Variants in LANCL3 observed in about 807,000 individuals in gnomAD.
The protein encoded by LANCL3 is lanC-like protein 3.
In LANCL3, 19 loss-of-function variants were observed where a neutral mutation model predicts 26.5. That is an observed-to-expected ratio of 0.72 (90% confidence interval 0.50 to 1.05). The LOEUF (loss-of-function observed/expected upper bound fraction) is 1.05. Among genes scored for constraint, LANCL3 ranks in the 50% least tolerant of loss-of-function variants. LANCL3 has a pLI of 0.00. For missense variants in LANCL3, 318 were observed against 362.7 expected, an observed-to-expected ratio of 0.88 and a Z score of 1.00; for synonymous variants, 160 against 166.6, an observed-to-expected ratio of 0.96 and a Z score of 0.30.
intron 1 of LANCL3, among the ~76,000 whole-genome samples, chrX:37,580,345 G>A (rs1415584577): frequency 8.9e-6 from 1 of 111,984 alleles, no homozygotes; most frequent in East Asian, 2.8e-4. Flanking sequence ...ACACACTGTT[G>A]TAAGTTTTTT....
intron 1 of LANCL3, among the ~76,000 whole-genome samples, chrX:37,619,526 CTG>C (rs1205180386): frequency 9.2e-6 from 1 of 109,079 alleles, no homozygotes; most frequent in Non-Finnish European, 1.9e-5. Flanking sequence ...AATTTAAAAA[CTG>C]TAAATTTTAG....
chrX:37,613,007 C>T (rs1924918415), intron 1 of LANCL3, among the ~76,000 whole-genome samples: 1 of 111,178 alleles, frequency 9.0e-6, no homozygotes, highest in Non-Finnish European at 1.9e-5. Flanking sequence ...AAAGGACATT[C>T]CCATCCTCAT....
chrX:37,592,221 A>G (rs1230823966), intron 1 of LANCL3, among the ~76,000 whole-genome samples: 3 of 112,244 alleles, frequency 2.7e-5, no homozygotes, highest in East Asian at 2.8e-4. Context: ...ATTCACAAAA[A>G]AAGAACCACA....
chrX:37,657,013 T>C (rs1169476366), intron 2 of LANCL3, among the ~76,000 whole-genome samples: 3 of 112,849 alleles, frequency 2.7e-5, no homozygotes, highest in Non-Finnish European at 5.6e-5. Context: ...GAGTGTGTAA[T>C]AATGAGCAAC....
At chrX:37,587,397 G>C (rs373705817) in intron 1 of LANCL3, among the ~76,000 whole-genome samples, 160 of 112,897 alleles carry the variant, frequency 1.4e-3, no homozygotes, top group African/African-American at 4.9e-3. Context: ...CCCAGTGGTG[G>C]AGTCTACAGA....
intron 1 of LANCL3, among the ~76,000 whole-genome samples, chrX:37,633,376 T>A (rs1243714297): frequency 2.7e-5 from 3 of 111,615 alleles, no homozygotes; most frequent in Non-Finnish European, 5.6e-5. Context: ...TGGTTTGAAT[T>A]TCTTCCTGTA....
At chrX:37,643,999 C>A (rs1272519818) in intron 1 of LANCL3, among the ~76,000 whole-genome samples, 1 of 111,916 alleles carries the variant, frequency 8.9e-6, no homozygotes, top group Non-Finnish European at 1.9e-5. Flanking sequence ...ATAAGTAACT[C>A]ACAAATTCAC....
chrX:37,660,991 T>C (rs1926404167), intron 3 of LANCL3, among the ~76,000 whole-genome samples: 1 of 92,583 alleles, frequency 1.1e-5, no homozygotes, highest in Admixed American at 1.1e-4. Context: ...CTTTTTAATT[T>C]GACCTTTTTT....
At chrX:37,621,321 G>T (rs370867000) in intron 1 of LANCL3, among the ~76,000 whole-genome samples, 114 of 112,021 alleles carry the variant, frequency 1.0e-3, no homozygotes, top group African/African-American at 3.5e-3. Context: ...AGAACACATA[G>T]ATACCATTGC....
chrX:37,614,352 T>C (rs1406971260), intron 1 of LANCL3, among the ~76,000 whole-genome samples: 1 of 111,588 alleles, frequency 9.0e-6, no homozygotes, highest in Non-Finnish European at 1.9e-5. Context: ...TCTGAAAAAC[T>C]GTTCAAGAGA....
intron 4 of LANCL3, chrX:37,668,257 CTA>C (rs200578896): frequency 0.024 from 3,041 of 129,020 alleles, no homozygotes; most frequent in East Asian, 0.039. Flanking sequence ...AATTGCTGGA[CTA>C]TATATATATA....
chrX:37,651,943 C>G (rs1033516067), intron 1 of LANCL3, among the ~76,000 whole-genome samples: 5 of 107,119 alleles, frequency 4.7e-5, no homozygotes, highest in African/African-American at 1.9e-4. Flanking sequence ...ATCACAGCCC[C>G]TGCTTACTCC....
intron 3 of LANCL3, among the ~76,000 whole-genome samples, chrX:37,662,854 TC>T (rs1926455879): frequency 9.2e-6 from 1 of 108,412 alleles, no homozygotes; most frequent in African/African-American, 3.4e-5. Flanking sequence ...TATTGTGGCT[TC>T]CATTATGCTG....
intron 1 of LANCL3, among the ~76,000 whole-genome samples, chrX:37,605,774 A>G (rs182804489): frequency 2.1e-4 from 23 of 111,664 alleles, no homozygotes; most frequent in African/African-American, 6.8e-4. Flanking sequence ...CGAGACCTAC[A>G]TGGACCCTCT....
At chrX:37,611,907 T>A (rs781949660) in intron 1 of LANCL3, among the ~76,000 whole-genome samples, 1 of 111,127 alleles carries the variant, frequency 9.0e-6, no homozygotes, top group African/African-American at 3.3e-5. Context: ...AATGTACCTT[T>A]TATTTTATTT....
intron 2 of LANCL3, among the ~76,000 whole-genome samples, chrX:37,657,319 C>A (rs986080826): frequency 6.5e-4 from 73 of 111,790 alleles, no homozygotes; most frequent in African/African-American, 2.2e-3. Flanking sequence ...TGAGCCAGGG[C>A]ACTGACAGTG....
rs910287824 is a variant in LANCL3, at chrX:37,601,921, G to A, written c.573+29478G>A. Among the ~76,000 whole-genome samples the A allele has an allele frequency of 2.7e-5, 3 of 112,027 alleles. No individual in the cohort carries two copies. The East Asian group carries it at 8.3e-4, about 31-fold the overall frequency. On this transcript the variant is annotated intron_variant, in intron 1 of 4. Coordinates refer to ENST00000378619, the MANE Select transcript of LANCL3 (RefSeq NM_001170331.2). ...AAAAATATTGGGGTCCTATTAGCAA[G>A]AAAGAAGGGAGAGATTGCTACTGGG...
chrX:37,638,505 G>A (rs1368026810), intron 1 of LANCL3, among the ~76,000 whole-genome samples: 2 of 111,460 alleles, frequency 1.8e-5, no homozygotes, highest in African/African-American at 6.5e-5. Flanking sequence ...TAAAGTTGTT[G>A]CCTCCTACTT....
chrX:37,585,019 A>G (rs1482895452), intron 1 of LANCL3, among the ~76,000 whole-genome samples: 4 of 111,896 alleles, frequency 3.6e-5, no homozygotes, highest in African/African-American at 1.3e-4. Context: ...TTGGTTTCAG[A>G]GAACATCTTT....
Sources: gnomAD v4.1 joint callset for allele counts (sites outside exome capture counted in the v4.1 genomes callset) on GRCh38, gnomAD v4.1.1 for gene constraint, MANE v1.5 for transcripts, NCBI Gene and HGNC (gene_info 2026-07-23, HGNC 2026-07-21) for gene names.